TSC2: variants seen among roughly 807,000 people sequenced by gnomAD.
The protein encoded by TSC2 is tuberin.
Under a neutral mutation model 202.2 loss-of-function variants are expected in TSC2, and 29 were observed. That is an observed-to-expected ratio of 0.14 (90% CI 0.11 to 0.20). The LOEUF is 0.20. TSC2 is among the 10% of genes least tolerant of loss of function. The pLI is 1.00. For missense variants in TSC2, 2,429 were observed against 2,420.0 expected, an observed-to-expected ratio of 1.00 and a Z score of -0.08; for synonymous variants, 1,349 against 1,044.0, an observed-to-expected ratio of 1.29 and a Z score of -5.63.
intron 30 of TSC2, chr16:2,080,684 CTG>C (rs1417287820): frequency 8.0e-6 from 3 of 376,226 alleles, no homozygotes; most frequent in Non-Finnish European, 1.5e-5. Flanking sequence ...TGGGGTTTCA[CTG>C]TGTTAGCCAG....
At chr16:2,050,346 A>T (rs2150993401) in intron 2 of TSC2, 54 bp from the exon 3 acceptor site, 13 of 1,539,948 alleles carry the variant, frequency 8.4e-6, no homozygotes, top group Non-Finnish European at 9.9e-6. Context: ...ACTTGCAGTT[A>T]AGGAGACCGT....
chr16:2,072,402 T>C (rs1412661789), intron 20 of TSC2, 39 bp downstream of exon 20: 9 of 1,611,854 alleles, frequency 5.6e-6, no homozygotes, highest in Non-Finnish European at 6.8e-6. Flanking sequence ...GGGGACCCAG[T>C]AGGGTTTTTC....
intron 16 of TSC2, among the ~76,000 whole-genome samples, chr16:2,067,193 C>G (rs2087506705): frequency 1.3e-5 from 2 of 151,742 alleles, no homozygotes; most frequent in Admixed American, 6.6e-5. Flanking sequence ...AGATCTCACT[C>G]TGTCGCCCAG....
intron 9 of TSC2, 140 bp downstream of exon 9, chr16:2,057,318 G>C (rs1301694433): frequency 4.1e-6 from 4 of 969,018 alleles, no homozygotes; most frequent in Non-Finnish European, 6.4e-6. Flanking sequence ...CCACTAGAGC[G>C]AGGCCCATGA....
In TSC2 at chr16:2,088,329, G is replaced by A. The variant is rs2091153561; in HGVS notation, c.5259+4G>A. ...CATCAAGCGGCTCCGCCAGCGGGTA[G>A]GGAATATGGGGCTCCCTCAGCGGGG... On this transcript the variant is annotated splice_donor_region_variant and intron_variant, in intron 41 of 41. Coordinates refer to ENST00000219476, the MANE Select transcript of TSC2 (RefSeq NM_000548.5). 4 of 1,612,596 alleles carry A rather than the reference G, an allele frequency of 2.5e-6. No homozygotes were observed. The highest frequency in any genetic ancestry group is 1.6e-4 in the Middle Eastern group (1 of 6,062).
At chr16:2,060,524 A>C in intron 10 of TSC2, 146 bp from the exon 11 acceptor site, 1 of 1,388,842 alleles carries the variant, frequency 7.2e-7, no homozygotes. Flanking sequence ...TGGGCGCCCC[A>C]CCTGCTGTTT....
intron 3 of TSC2, among the ~76,000 whole-genome samples, chr16:2,050,882 C>T (rs535399468): frequency 1.3e-5 from 2 of 152,202 alleles, no homozygotes; most frequent in African/African-American, 4.8e-5. Context: ...CCACTGCGCC[C>T]AGCCAGTTTG....
At chr16:2,055,948 A>T (rs1420412041) in intron 6 of TSC2, 7 of 565,774 alleles carry the variant, frequency 1.2e-5, no homozygotes, top group Non-Finnish European at 1.9e-5. Flanking sequence ...CTCTCATCTG[A>T]TGTCTTGGTT....
intron 14 of TSC2, chr16:2,063,498 C>A (rs1349207449): frequency 2.4e-5 from 7 of 288,490 alleles, no homozygotes; most frequent in Non-Finnish European, 4.7e-5. Context: ...CTCTGTGGCC[C>A]CAGGCCCACC....
rs1265832990 is a variant in TSC2 at position 2,080,214 on chromosome 16, C to T, written c.3447C>T (p.Phe1149=). 1 of 1,612,978 alleles carries T rather than the reference C, an allele frequency of 6.2e-7. No individual in the cohort carries two copies. ...VGALDVPASQ[F]LGSATSPGPR... is the part of the protein sequence containing the mutation. ...CCCTGGACGTGCCGGCCTCCCAGTT[C>T]CTGGGCAGTGCCACTTCTCCAGGAC... The change falls in exon 30 of 42, where the codon TTC becomes TTT. Residue 1149 remains phenylalanine, a synonymous_variant. Coordinates refer to ENST00000219476, the MANE Select transcript of TSC2 (RefSeq NM_000548.5).
Position 2,053,718 on chromosome 16 carries a change from C to T in TSC2, c.336+266C>T, listed in dbSNP as rs745905197. ...TCTGGGGATCATATGAGGCAGTTCT[C>T]GCAGAGTGCTGAGATCGTACCTGGC... On this transcript the variant is annotated intron_variant, in intron 4 of 41. Transcript: ENST00000219476. 1.9e-4 allele frequency: 115 copies of T among 617,978 alleles called. 2 individuals are homozygous for T. The highest frequency in any genetic ancestry group is 1.4e-3 in the South Asian group (93 of 66,000). The allele number at this position is 617,978 out of a possible 1,614,324, so 38.3% of individuals were successfully genotyped here. A position where few individuals can be genotyped will look rare whatever the true frequency, so the allele number is the denominator to read the frequency against.
rs2151396371 is a variant in TSC2, at chr16:2,076,580, C to T, written c.2832C>T (p.Pro944=). 1.2e-6 allele frequency: 2 copies of T among 1,613,182 alleles called. No individual in the cohort carries two copies. The highest frequency in any genetic ancestry group is 1.1e-5 in the South Asian group (1 of 91,070). Residue 944 remains proline, a synonymous_variant, in exon 25 of 42, where the codon CCC becomes CCT. Transcript: ENST00000219476. ...GGAGTACTAGTCTCAACGAGAGACC[C>T]AAGAGGTACGGCCTGCGGGGGTGTG... is the stretch of plus-strand genomic sequence containing the variant. ...RARSTSLNER[P]KSLRIARPPK... is the part of the protein sequence containing the mutation.
rs1380818847 is a variant in TSC2 at position 2,077,798 on chromosome 16, G to C, written c.2966+72G>C. Reference sequence around the variant, plus strand: ...CGTGAGCACCTGGGTGGCAGTGCATGGGGCTGCTTGCATGACCTCATCGTC... The same window carrying C: ...CGTGAGCACCTGGGTGGCAGTGCATCGGGCTGCTTGCATGACCTCATCGTC... On this transcript the variant is annotated intron_variant, in intron 26 of 41. Coordinates refer to ENST00000219476, the MANE Select transcript of TSC2 (RefSeq NM_000548.5). 4 of 1,599,260 alleles carry C rather than the reference G, an allele frequency of 2.5e-6. No homozygotes were observed. In the South Asian group the frequency reaches 4.4e-5, roughly 18 times the overall value.
rs746366461 is a variant in TSC2, at chr16:2,050,414, A to G, written c.153A>G (p.Glu51=). 1.2e-6 allele frequency: 2 copies of G among 1,613,894 alleles called. No homozygotes were observed. The highest frequency in any genetic ancestry group is 1.7e-6 in the Non-Finnish European group (2 of 1,179,928). ...TCTCTCTCCAGGAACTGAGCATGGAATGTGGCCTCAACAATCGCATCCGGA... is the reference window on the plus strand; with the variant it reads ...TCTCTCTCCAGGAACTGAGCATGGAGTGTGGCCTCAACAATCGCATCCGGA... ...TAEILRELSM[E]CGLNNRIRMI... Residue 51 remains glutamate (E), a synonymous_variant, in exon 3 of 42, where the codon GAA becomes GAG. Transcript: ENST00000219476.
chr16:2,048,326 C>G, intron 1 of TSC2: 1 of 952,416 alleles, frequency 1.0e-6, no homozygotes, highest in Non-Finnish European at 1.7e-6. Context: ...GGCGGCAGTC[C>G]TAACCCGTGC....
Position 2,072,636 on chromosome 16 carries a change from T to G in TSC2, c.2221-213T>G, listed in dbSNP as rs373308630. On this transcript the variant is annotated intron_variant, in intron 20 of 41. Coordinates refer to ENST00000219476, the MANE Select transcript of TSC2 (RefSeq NM_000548.5). ...CATCTGTGCTTTTCCTAAGTGGGGC[T>G]CCCGTGCCGTTCACCTCACATTCCT... 1.7e-4 allele frequency: 143 copies of G among 831,106 alleles called. No homozygotes were observed. In the East Asian group the frequency reaches 2.5e-3, roughly 14 times the overall value. 51.5% of individuals were successfully genotyped at this position (831,106 alleles called of 1,614,324 possible).
At chr16:2,048,344 C>A in intron 1 of TSC2, 1 of 881,682 alleles carries the variant, frequency 1.1e-6, no homozygotes, top group South Asian at 1.4e-5. Flanking sequence ...TGCACTGAGT[C>A]GGGCGGGGCG....
intron 13 of TSC2, 41 bp from the exon 14 acceptor site, chr16:2,062,931 C>T (rs1048896658): frequency 9.7e-6 from 15 of 1,542,106 alleles, no homozygotes; most frequent in South Asian, 3.6e-5. Context: ...GGGCTGTGGC[C>T]GGGCACTCCC....
chr16:2,062,464 G>C lies in TSC2; in HGVS notation c.1258-33G>C, dbSNP rs370805403. 3 of 1,576,084 alleles carry C rather than the reference G, an allele frequency of 1.9e-6. No homozygotes were observed. The Admixed American group carries it at 5.3e-5, about 28-fold the overall frequency. ...TGTGGAGAAGGAGAGCGCCGGAGGG[G>C]CAGAGGGGCAACACCGGCTCTTCTT... On this transcript the variant is annotated intron_variant, in intron 12 of 41. Coordinates refer to ENST00000219476, the MANE Select transcript of TSC2 (RefSeq NM_000548.5).
Sources: gnomAD v4.1 joint callset for allele counts (sites outside exome capture counted in the v4.1 genomes callset) on GRCh38, gnomAD v4.1.1 for gene constraint, MANE v1.5 for transcripts, NCBI Gene and HGNC (gene_info 2026-07-23, HGNC 2026-07-21) for gene names.